Variants in UBAP1 observed in about 807,000 individuals in gnomAD.
UBAP1 encodes the protein ubiquitin-associated protein 1.
UBAP1 carries 5 observed loss-of-function variants against 39.0 expected under a neutral mutation model. The observed-to-expected ratio is 0.13, with a 90% CI of 0.07 to 0.27. The LOEUF (loss-of-function observed/expected upper bound fraction) is 0.27, where lower values mean the gene tolerates loss of function less well. Ranked by LOEUF, UBAP1 falls within the 10% of genes least tolerant of loss-of-function variation. The pLI is 1.00. For synonymous variants in UBAP1, 211 were observed against 225.1 expected (o/e 0.94, Z 0.56); for missense variants, 490 against 608.1 (o/e 0.81, Z 2.04).
chr9:34,217,640 AG>A (rs1318726756), intron 1 of UBAP1, among the ~76,000 whole-genome samples: 2 of 151,648 alleles, frequency 1.3e-5, no homozygotes, highest in Non-Finnish European at 2.9e-5. Flanking sequence ...CAAAAAAAAA[AG>A]CCTCTGCCTT....
chr9:34,224,457 G>C, intron 2 of UBAP1: 2 of 391,232 alleles, frequency 5.1e-6, no homozygotes, highest in Middle Eastern at 3.6e-4. Flanking sequence ...TGCAGCCTTA[G>C]GGCACGGTAT....
In UBAP1 at chr9:34,221,699, CTA is replaced by C. The variant is rs571103763; in HGVS notation, c.34+755_34+756del. Among the ~76,000 whole-genome samples the C allele has an allele frequency of 2.0e-5, 3 of 152,126 alleles. No homozygotes were observed. In the South Asian group the frequency reaches 6.2e-4, roughly 32 times the overall value. ...GAAGTAATTTACTACAAATCAATCACTATATTACAGAGGTATCAATACTGATA... is the reference window on the plus strand; with the variant it reads ...GAAGTAATTTACTACAAATCAATCACTATTACAGAGGTATCAATACTGATA... On this transcript the variant is annotated intron_variant, in intron 2 of 6. Transcript: ENST00000297661.
At chr9:34,202,443 C>T (rs1831426388) in intron 1 of UBAP1, among the ~76,000 whole-genome samples, 2 of 151,904 alleles carry the variant, frequency 1.3e-5, no homozygotes, top group South Asian at 4.2e-4. Flanking sequence ...GTGAGAGGGG[C>T]TTAAGACTCA....
At chr9:34,183,006 C>G (rs550779051) in intron 1 of UBAP1, among the ~76,000 whole-genome samples, 29 of 151,966 alleles carry the variant, frequency 1.9e-4, no homozygotes, top group African/African-American at 7.0e-4. Context: ...TCTCGATTTC[C>G]TGACCTCTTG....
At chr9:34,220,171 TAGAC>T (rs201282517) in intron 1 of UBAP1, among the ~76,000 whole-genome samples, 710 of 70,710 alleles carry the variant, frequency 0.01, 7 homozygotes, top group Non-Finnish European at 0.015. Flanking sequence ...TCTCTTTTCT[TAGAC>T]AGGGTCTTGT....
In UBAP1 at chr9:34,195,927, G is replaced by GTTTTTTTTTTTTTTTTTTTTTT. The variant is rs57040252; in HGVS notation, c.-8+16703_-8+16724dup. On this transcript the variant is annotated intron_variant, in intron 1 of 6. Transcript: ENST00000297661. ...TTTGGATTTCTATACAAATTTTTTG[G>GTTTTTTTTTTTTTTTTTTTTTT]TTTTTTTTTTTTTTTTTTTTTTTTT... Among the ~76,000 whole-genome samples, 6 of 36,156 alleles carry GTTTTTTTTTTTTTTTTTTTTTT rather than the reference G, an allele frequency of 1.7e-4. 2 individuals carry two copies. Among genetic ancestry groups the GTTTTTTTTTTTTTTTTTTTTTT allele is most frequent in the East Asian group, 1.0e-3 (1 of 984 alleles). The allele number at this position is 36,156 out of a possible 152,430, so 23.7% of individuals were successfully genotyped here. A position where few individuals can be genotyped will look rare whatever the true frequency, so the allele number is the denominator to read the frequency against.
At chr9:34,185,459 G>A (rs2131494574) in intron 1 of UBAP1, among the ~76,000 whole-genome samples, 1 of 152,288 alleles carries the variant, frequency 6.6e-6, no homozygotes, top group East Asian at 1.9e-4. Flanking sequence ...TGAGGTAGGA[G>A]GATCACCTGA....
intron 2 of UBAP1, among the ~76,000 whole-genome samples, chr9:34,232,406 G>C (rs1189737643): frequency 6.6e-6 from 1 of 152,210 alleles, no homozygotes; most frequent in African/African-American, 2.4e-5. Context: ...ACCACACTTG[G>C]AAAATTCCTA....
chr9:34,250,467 C>CCTGT (rs1307349112), intron 5 of UBAP1, among the ~76,000 whole-genome samples, 191 bp from the exon 6 acceptor site: 1 of 152,174 alleles, frequency 6.6e-6, no homozygotes, highest in Non-Finnish European at 1.5e-5. Flanking sequence ...GAAGGCTGTG[C>CCTGT]CTGTGTTCAT....
intron 1 of UBAP1, among the ~76,000 whole-genome samples, chr9:34,217,415 TTGTA>T (rs1322978466): frequency 6.6e-6 from 1 of 152,140 alleles, no homozygotes; most frequent in Non-Finnish European, 1.5e-5. Flanking sequence ...TTTTGTATTT[TTGTA>T]GATACTGGGT....
chr9:34,235,378 G>A (rs565053417), intron 3 of UBAP1, among the ~76,000 whole-genome samples: 30 of 151,386 alleles, frequency 2.0e-4, no homozygotes, highest in African/African-American at 5.8e-4. Flanking sequence ...TCACTCTGTC[G>A]CCCAGGCTGG....
At chr9:34,200,828 A>C (rs181261223) in intron 1 of UBAP1, among the ~76,000 whole-genome samples, 1 of 152,184 alleles carries the variant, frequency 6.6e-6, no homozygotes, top group Non-Finnish European at 1.5e-5. Flanking sequence ...AAACCACATG[A>C]TATATATTCC....
intron 1 of UBAP1, among the ~76,000 whole-genome samples, chr9:34,203,111 CACT>C (rs1186075701): frequency 6.6e-6 from 1 of 151,972 alleles, no homozygotes; most frequent in Non-Finnish European, 1.5e-5. Flanking sequence ...CAGTTTAATT[CACT>C]ACTATTTTAA....
At chr9:34,181,215 C>T (rs1263850958) in intron 1 of UBAP1, among the ~76,000 whole-genome samples, 1 of 148,084 alleles carries the variant, frequency 6.8e-6, no homozygotes, top group Non-Finnish European at 1.5e-5. Flanking sequence ...CCCGGGCTTG[C>T]CATTCTCCTG....
intron 1 of UBAP1, among the ~76,000 whole-genome samples, chr9:34,192,433 T>C (rs1214856001): frequency 6.7e-6 from 1 of 149,184 alleles, no homozygotes; most frequent in East Asian, 2.0e-4. Flanking sequence ...GAGAATCACT[T>C]GAACCCGGGA....
chr9:34,210,419 T>C (rs1351518683), intron 1 of UBAP1, among the ~76,000 whole-genome samples: 1 of 152,196 alleles, frequency 6.6e-6, no homozygotes, highest in Non-Finnish European at 1.5e-5. Context: ...TCTGTTCAAA[T>C]AAAAATTTAC....
At chr9:34,180,709 C>T (rs572617407) in intron 1 of UBAP1, among the ~76,000 whole-genome samples, 1 of 152,044 alleles carries the variant, frequency 6.6e-6, no homozygotes, top group East Asian at 1.9e-4. Context: ...AAATGCTAAA[C>T]TTAATGTTTC....
chr9:34,224,508 A>G, intron 2 of UBAP1: 1 of 394,004 alleles, frequency 2.5e-6, no homozygotes, highest in Middle Eastern at 3.7e-4. Context: ...TGGACGTGGC[A>G]GGGGCCAATG....
intron 3 of UBAP1, among the ~76,000 whole-genome samples, chr9:34,240,598 T>C (rs1293644040): frequency 6.6e-6 from 1 of 152,222 alleles, no homozygotes; most frequent in Admixed American, 6.5e-5. Flanking sequence ...TGTAATTTGC[T>C]GTGTAAAAAT....
Sources: gnomAD v4.1 joint callset for allele counts (sites outside exome capture counted in the v4.1 genomes callset) on GRCh38, gnomAD v4.1.1 for gene constraint, MANE v1.5 for transcripts, NCBI Gene and HGNC (gene_info 2026-07-23, HGNC 2026-07-21) for gene names.